Variants in MAP2K5 observed in about 807,000 individuals in gnomAD.
The protein encoded by MAP2K5 is mitogen-activated protein kinase kinase 5, also known as dual specificity mitogen-activated protein kinase kinase 5.
MAP2K5 carries 49 observed loss-of-function variants against 83.1 expected under a neutral mutation model. The observed-to-expected ratio is 0.59, with a 90% confidence interval of 0.47 to 0.75. The LOEUF is 0.75. MAP2K5 is among the 30% of genes least tolerant of loss of function. MAP2K5 has a pLI of 0.00. For synonymous variants in MAP2K5, 202 were observed against 191.8 expected (o/e 1.05, Z -0.44); for missense variants, 457 against 557.5 (o/e 0.82, Z 1.82).
intron 16 of MAP2K5, among the ~76,000 whole-genome samples, chr15:67,727,009 G>T (rs2089110607): frequency 6.6e-6 from 1 of 152,082 alleles, no homozygotes; most frequent in Admixed American, 6.6e-5. Context: ...GACCAGCCTG[G>T]CCAACATGGT....
intron 19 of MAP2K5, among the ~76,000 whole-genome samples, chr15:67,753,677 AAAAG>A (rs2089771943): frequency 6.6e-6 from 1 of 152,146 alleles, no homozygotes; most frequent in Non-Finnish European, 1.5e-5. Flanking sequence ...AATTAAAAAA[AAAAG>A]AAAAGAAAAA....
intron 13 of MAP2K5, 112 bp downstream of exon 13, chr15:67,664,757 GTA>G: frequency 4.8e-6 from 3 of 629,560 alleles, no homozygotes; most frequent in Non-Finnish European, 8.4e-6. Context: ...GATACATCTG[GTA>G]CTCAAAAAGA....
intron 1 of MAP2K5, chr15:67,549,069 C>T (rs965791028): frequency 2.0e-5 from 31 of 1,524,670 alleles, no homozygotes; most frequent in Middle Eastern, 2.1e-4. Flanking sequence ...ATACTGCGAG[C>T]GGCTTTGTCA....
chr15:67,798,228 C>G (rs762854416), intron 21 of MAP2K5, among the ~76,000 whole-genome samples: 7 of 152,220 alleles, frequency 4.6e-5, no homozygotes, highest in South Asian at 2.1e-4. Flanking sequence ...CTGGCATCCT[C>G]CCTCCTGATC....
rs1298848673 is a variant in MAP2K5, at chr15:67,561,822, T to C, written c.185-1461T>C. Reference sequence around the variant, plus strand: ...CACAAGCTTCCTCCTAGGGTCCCCATAGCCTAGTCACCAAGCAGGGGGATA... The same window carrying C: ...CACAAGCTTCCTCCTAGGGTCCCCACAGCCTAGTCACCAAGCAGGGGGATA... On this transcript the variant is annotated intron_variant, in intron 2 of 21. Coordinates refer to ENST00000178640, the MANE Select transcript of MAP2K5 (RefSeq NM_145160.3). This position sits in a 1 kb window ranked among gnomAD's most constrained non-coding sequence, Gnocchi z 4.2. 6.6e-6 allele frequency among the ~76,000 whole-genome samples: 1 copy of C among 152,104 alleles called. No homozygotes were observed. The highest frequency in any genetic ancestry group is 2.4e-5 in the African/African-American group (1 of 41,414).
At position 67,665,146 on chromosome 15, in the gene MAP2K5, T is replaced by C. The variant is rs563479462; in HGVS notation, c.847+501T>C. On this transcript the variant is annotated intron_variant, in intron 13 of 21. Transcript: ENST00000178640. This position sits in a 1 kb window ranked among gnomAD's most constrained non-coding sequence, Gnocchi z 4.2. ...GTCCTCCTACCTTGGCCTCCCAGAG[T>C]GCTAGGATTCAGGCGGGAGCCACCG... Among the ~76,000 whole-genome samples, 1 of 152,140 alleles carries C rather than the reference T, an allele frequency of 6.6e-6. No individual in the cohort carries two copies. Among genetic ancestry groups the C allele is most frequent in the African/African-American group, 2.4e-5 (1 of 41,528 alleles).
rs2090421588 is a variant in MAP2K5 at position 67,786,551 on chromosome 15, A to G, written c.1242+13799A>G. Among the ~76,000 whole-genome samples, 1 of 152,216 alleles carries G rather than the reference A, an allele frequency of 6.6e-6. No homozygotes were observed. The highest frequency in any genetic ancestry group is 2.4e-5 in the African/African-American group (1 of 41,454). On this transcript the variant is annotated intron_variant, in intron 21 of 21. Transcript: ENST00000178640. This position sits in a 1 kb window ranked among gnomAD's most constrained non-coding sequence, Gnocchi z 4.7. ...ATTTAGAGAAGGTAGATGAGTGCCAAGCTGCTGGCTTGGGTGGTGCGGGAG... is the reference window on the plus strand; with the variant it reads ...ATTTAGAGAAGGTAGATGAGTGCCAGGCTGCTGGCTTGGGTGGTGCGGGAG...
intron 17 of MAP2K5, among the ~76,000 whole-genome samples, chr15:67,745,937 T>C (rs2089596142): frequency 6.6e-6 from 1 of 152,204 alleles, no homozygotes; most frequent in Non-Finnish European, 1.5e-5. Flanking sequence ...GATGATTTCA[T>C]ATAATATGTT....
chr15:67,640,368 T>C lies in MAP2K5; in HGVS notation c.586-5863T>C, dbSNP rs1456249486. ...CTCACCCAGAATATTTCTTAGCTTTTTTTATATTAAAGGGTGAAATGGAAG... is the reference window on the plus strand; with the variant it reads ...CTCACCCAGAATATTTCTTAGCTTTCTTTATATTAAAGGGTGAAATGGAAG... On this transcript the variant is annotated intron_variant, in intron 9 of 21. Transcript: ENST00000178640. The surrounding 1 kb of genome is among the most constrained non-coding windows in gnomAD (Gnocchi z 4.6). Among the ~76,000 whole-genome samples the C allele has an allele frequency of 6.6e-6, 1 of 152,210 alleles. No individual in the cohort carries two copies. Among genetic ancestry groups the C allele is most frequent in the Non-Finnish European group, 1.5e-5 (1 of 68,038 alleles).
At chr15:67,721,991 G>A (rs1396170139) in intron 16 of MAP2K5, among the ~76,000 whole-genome samples, 1 of 152,094 alleles carries the variant, frequency 6.6e-6, no homozygotes, top group African/African-American at 2.4e-5. Flanking sequence ...CAAACTAATT[G>A]TCTTTAATTA....
intron 17 of MAP2K5, among the ~76,000 whole-genome samples, chr15:67,740,595 C>CA (rs370065701): frequency 3.7e-4 from 54 of 144,054 alleles, no homozygotes; most frequent in African/African-American, 8.7e-4. Context: ...CCTGTCTCAA[C>CA]AAAAAAAAAA....
chr15:67,584,222 A>T (rs183357238), intron 4 of MAP2K5, among the ~76,000 whole-genome samples: 354 of 152,352 alleles, frequency 2.3e-3, no homozygotes, highest in African/African-American at 8.2e-3. Context: ...TTTAGGAAAT[A>T]TGAGGTTACT....
rs1406159109 is a variant in MAP2K5, at chr15:67,644,459, A to T, written c.586-1772A>T. Among the ~76,000 whole-genome samples the T allele has an allele frequency of 6.6e-6, 1 of 152,180 alleles. No individual in the cohort carries two copies. The highest frequency in any genetic ancestry group is 2.4e-5 in the African/African-American group (1 of 41,446). The stretch of plus-strand genomic sequence containing the variant: ...TAGTTTCACTGACATGCTTAGTAGA[A>T]TTTGAACAGTATGGTCTTCTTTCTT... On this transcript the variant is annotated intron_variant, in intron 9 of 21. Coordinates refer to ENST00000178640, the MANE Select transcript of MAP2K5 (RefSeq NM_145160.3). This position sits in a 1 kb window ranked among gnomAD's most constrained non-coding sequence, Gnocchi z 4.6.
intron 13 of MAP2K5, among the ~76,000 whole-genome samples, chr15:67,686,603 A>AAATAATAAT (rs57116318): frequency 6.0e-4 from 89 of 148,532 alleles, no homozygotes; most frequent in African/African-American, 2.1e-3. Context: ...ACTGTGTCTC[A>AAATAATAAT]AATAATAATA....
chr15:67,791,570 C>A (rs2090519448), intron 21 of MAP2K5, among the ~76,000 whole-genome samples: 1 of 152,360 alleles, frequency 6.6e-6, no homozygotes, highest in Non-Finnish European at 1.5e-5. Context: ...GTGCTCACAA[C>A]TGGCTGCTAT....
intron 16 of MAP2K5, among the ~76,000 whole-genome samples, chr15:67,721,941 G>A (rs751356755): frequency 8.7e-4 from 132 of 152,232 alleles, no homozygotes; most frequent in Non-Finnish European, 1.3e-3. Flanking sequence ...TCTTTAATTT[G>A]CAGTGTATTA....
chr15:67,670,531 G>C, intron 13 of MAP2K5: 1 of 449,624 alleles, frequency 2.2e-6, no homozygotes, highest in African/African-American at 2.0e-5. Context: ...ACAGAGAAAA[G>C]CTCTTCTTAC....
At chr15:67,615,819 TAC>T in intron 8 of MAP2K5, among the ~76,000 whole-genome samples, 1 of 152,174 alleles carries the variant, frequency 6.6e-6, no homozygotes, top group African/African-American at 2.4e-5. Context: ...TCTCGCAAGG[TAC>T]TAAAAGATTT....
chr15:67,626,350 T>A (rs999161282), intron 8 of MAP2K5, among the ~76,000 whole-genome samples: 3 of 152,040 alleles, frequency 2.0e-5, no homozygotes, highest in African/African-American at 7.3e-5. Context: ...TGGTGAAACC[T>A]TGTCTCTATG....
Sources: gnomAD v4.1 joint callset for allele counts (sites outside exome capture counted in the v4.1 genomes callset) on GRCh38, gnomAD v4.1.1 for gene constraint, Gnocchi (gnomAD v3.1) non-coding constraint, MANE v1.5 for transcripts, NCBI Gene and HGNC (gene_info 2026-07-23, HGNC 2026-07-21) for gene names.